AK5: variants seen among roughly 807,000 people sequenced by gnomAD.
AK5 encodes adenylate kinase 5.
AK5 carries 27 observed loss-of-function variants against 69.5 expected under a neutral mutation model. That is an observed-to-expected ratio of 0.39 (90% CI 0.29 to 0.54). The LOEUF is 0.54. Among genes scored for constraint, AK5 ranks in the 20% least tolerant of loss-of-function variants. The pLI, the probability that AK5 is intolerant of heterozygous loss-of-function variation, is 0.71. For missense variants in AK5, 531 were observed against 700.4 expected, an observed-to-expected ratio of 0.76 and a Z score of 2.73; for synonymous variants, 260 against 244.4, an observed-to-expected ratio of 1.06 and a Z score of -0.60.
intron 6 of AK5, among the ~76,000 whole-genome samples, chr1:77,380,379 A>C (rs1316423072): frequency 2.6e-5 from 4 of 152,178 alleles, no homozygotes; most frequent in African/African-American, 9.7e-5. Context: ...AACTGCCTCA[A>C]GTCACACAAC....
At chr1:77,471,856 G>A (rs1654529336) in intron 8 of AK5, among the ~76,000 whole-genome samples, 1 of 152,170 alleles carries the variant, frequency 6.6e-6, no homozygotes, top group Non-Finnish European at 1.5e-5. Flanking sequence ...CATTCTGTAG[G>A]AGCATTGAAC....
chr1:77,342,595 C>T (rs1661712157), intron 6 of AK5, among the ~76,000 whole-genome samples: 1 of 152,078 alleles, frequency 6.6e-6, no homozygotes, highest in African/African-American at 2.4e-5. Context: ...CAAACACAGG[C>T]TAAGCTCTGG....
chr1:77,289,369 T>C (rs1167200), intron 2 of AK5, among the ~76,000 whole-genome samples: 150,055 of 152,254 alleles, frequency 0.99, 73,984 homozygotes, highest in Middle Eastern at 1. Flanking sequence ...CCCCAGCATA[T>C]GGGAAGCTTA....
chr1:77,354,434 G>A (rs1357146577), intron 6 of AK5, among the ~76,000 whole-genome samples: 1 of 152,154 alleles, frequency 6.6e-6, no homozygotes, highest in African/African-American at 2.4e-5. Flanking sequence ...TCTGTGGAAG[G>A]GAAGCTTGAA....
chr1:77,357,013 T>C (rs1449333625), intron 6 of AK5, among the ~76,000 whole-genome samples: 1 of 152,172 alleles, frequency 6.6e-6, no homozygotes, highest in Non-Finnish European at 1.5e-5. Flanking sequence ...TTCTGTCTTC[T>C]TCCGATTTGG....
At chr1:77,375,285 A>G (rs957426299) in intron 6 of AK5, among the ~76,000 whole-genome samples, 28 of 152,214 alleles carry the variant, frequency 1.8e-4, no homozygotes, top group African/African-American at 6.5e-4. Flanking sequence ...TTTATCTGGC[A>G]TGCCAAACTT....
At chr1:77,462,116 C>T (rs1653876535) in intron 8 of AK5, among the ~76,000 whole-genome samples, 1 of 152,124 alleles carries the variant, frequency 6.6e-6, no homozygotes, top group South Asian at 2.1e-4. Flanking sequence ...CCTATTTTTT[C>T]ACAAGCTCTT....
chr1:77,321,393 C>T (rs1002408337), intron 5 of AK5, among the ~76,000 whole-genome samples: 12 of 151,826 alleles, frequency 7.9e-5, no homozygotes, highest in Non-Finnish European at 4.4e-5. Context: ...CACTTGAACC[C>T]GAGAGGCGTA....
At chr1:77,422,619 G>A (rs1650890479) in intron 8 of AK5, among the ~76,000 whole-genome samples, 1 of 151,954 alleles carries the variant, frequency 6.6e-6, no homozygotes, top group African/African-American at 2.4e-5. Flanking sequence ...GCACCATCAG[G>A]ACCAAGCTTC....
At chr1:77,531,943 C>G (rs2100345428) in intron 12 of AK5, among the ~76,000 whole-genome samples, 1 of 150,600 alleles carries the variant, frequency 6.6e-6, no homozygotes. Flanking sequence ...AAATCGAGCA[C>G]AGCAGCTGCT....
At chr1:77,410,368 C>T (rs1649958468) in intron 6 of AK5, among the ~76,000 whole-genome samples, 1 of 151,976 alleles carries the variant, frequency 6.6e-6, no homozygotes, top group African/African-American at 2.4e-5. Flanking sequence ...ACCTCTGCCT[C>T]CCGGGTTCAA....
chr1:77,299,468 CA>C (rs1659213616), intron 5 of AK5, among the ~76,000 whole-genome samples: 1 of 152,068 alleles, frequency 6.6e-6, no homozygotes, highest in African/African-American at 2.4e-5. Flanking sequence ...CTTTACAAAA[CA>C]TTTTTTTGAA....
chr1:77,455,273 A>G (rs1045787999), intron 8 of AK5, among the ~76,000 whole-genome samples: 1 of 152,270 alleles, frequency 6.6e-6, no homozygotes, highest in East Asian at 1.9e-4. Context: ...AATCACCAAT[A>G]TGACCGTGTT....
At chr1:77,535,140 T>C (rs553679608) in intron 12 of AK5, among the ~76,000 whole-genome samples, 18 of 152,338 alleles carry the variant, frequency 1.2e-4, no homozygotes, top group East Asian at 9.6e-4. Flanking sequence ...CTGCAGCAAG[T>C]GTTCCACAAA....
intron 5 of AK5, among the ~76,000 whole-genome samples, chr1:77,321,644 C>T (rs1434782391): frequency 6.6e-6 from 1 of 152,108 alleles, no homozygotes; most frequent in Non-Finnish European, 1.5e-5. Context: ...ATATAGCTAA[C>T]GTCATACTTA....
At chr1:77,345,801 C>T (rs1661885131) in intron 6 of AK5, among the ~76,000 whole-genome samples, 1 of 152,122 alleles carries the variant, frequency 6.6e-6, no homozygotes, top group African/African-American at 2.4e-5. Context: ...TCAAATTTAC[C>T]ACTGAAACTA....
intron 8 of AK5, among the ~76,000 whole-genome samples, chr1:77,433,394 C>T (rs1196041158): frequency 3.9e-5 from 6 of 152,022 alleles, no homozygotes; most frequent in Admixed American, 1.3e-4. Context: ...TTTGACCATA[C>T]GGTAATCTCA....
chr1:77,551,250 T>A (rs1659808943), intron 13 of AK5, among the ~76,000 whole-genome samples: 1 of 148,980 alleles, frequency 6.7e-6, no homozygotes, highest in Admixed American at 6.6e-5. Flanking sequence ...CACACACACC[T>A]TCTATAAGAC....
At chr1:77,474,370 A>G (rs959561396) in intron 8 of AK5, among the ~76,000 whole-genome samples, 1 of 152,110 alleles carries the variant, frequency 6.6e-6, no homozygotes, top group Admixed American at 6.6e-5. Flanking sequence ...CCCTGGCTCT[A>G]TGTCCCACTG....
Sources: gnomAD v4.1 joint callset for allele counts (sites outside exome capture counted in the v4.1 genomes callset) on GRCh38, gnomAD v4.1.1 for gene constraint, MANE v1.5 for transcripts, NCBI Gene and HGNC (gene_info 2026-07-23, HGNC 2026-07-21) for gene names.